Variants in REV3L observed in about 807,000 individuals in gnomAD.
The protein encoded by REV3L is REV3 like, DNA directed polymerase zeta catalytic subunit, also known as DNA polymerase zeta catalytic subunit.
REV3L carries 69 observed loss-of-function variants against 299.4 expected under a neutral mutation model. The ratio of observed to expected loss-of-function variants is 0.23; its 90% CI spans 0.19 to 0.28. The LOEUF (loss-of-function observed/expected upper bound fraction) is 0.28. Ranked by LOEUF, REV3L falls within the 10% of genes least tolerant of loss-of-function variation. The pLI is 1.00. For synonymous variants in REV3L, 1,238 were observed against 1,271.4 expected, an observed-to-expected ratio of 0.97 and a Z score of 0.56; for missense variants, 3,128 against 3,693.8, an observed-to-expected ratio of 0.85 and a Z score of 3.97.
intron 1 of REV3L, among the ~76,000 whole-genome samples, chr6:111,423,581 C>T (rs184608919): frequency 1.3e-4 from 20 of 152,052 alleles, no homozygotes; most frequent in South Asian, 2.1e-4. Flanking sequence ...TGTGTGTGTG[C>T]GCACATGCAT....
chr6:111,412,472 G>A (rs561969923), intron 2 of REV3L, among the ~76,000 whole-genome samples: 1 of 151,996 alleles, frequency 6.6e-6, no homozygotes, highest in Non-Finnish European at 1.5e-5. Flanking sequence ...TACATAAACA[G>A]GCGTAAATTT....
At chr6:111,385,328 T>C (rs898022047) in intron 9 of REV3L, among the ~76,000 whole-genome samples, 24 of 152,112 alleles carry the variant, frequency 1.6e-4, no homozygotes, top group African/African-American at 5.1e-4. Context: ...GGTTATTACA[T>C]TGTATGCCTG....
At chr6:111,328,461 A>G (rs1582535554) in intron 25 of REV3L, among the ~76,000 whole-genome samples, 1 of 152,338 alleles carries the variant, frequency 6.6e-6, no homozygotes, top group Middle Eastern at 3.4e-3. Flanking sequence ...AATACATAAA[A>G]TGAATTATGC....
intron 1 of REV3L, among the ~76,000 whole-genome samples, chr6:111,477,041 CTT>C (rs1011279960): frequency 8.5e-5 from 13 of 152,104 alleles, no homozygotes; most frequent in African/African-American, 3.1e-4. Context: ...TTTTTCCACA[CTT>C]TTAATAAGTG....
In REV3L at chr6:111,303,165, C is replaced by CTTTCTT. The variant is rs4038141; in HGVS notation, c.9253-3010_9253-3009insAAGAAA. On this transcript the variant is annotated intron_variant, in intron 31 of 31. Coordinates refer to ENST00000368802, the MANE Select transcript of REV3L (RefSeq NM_001372078.1). ...AATGTACTGAGGCTTTCTTTTCTTT[C>CTTTCTT]TTTTTTTTTTTTTTTTTGAGATGAG... Among the ~76,000 whole-genome samples the CTTTCTT allele has an allele frequency of 2.9e-3, 264 of 92,326 alleles. 31 individuals are homozygous for CTTTCTT. Among genetic ancestry groups the CTTTCTT allele is most frequent in the African/African-American group, 9.3e-3 (238 of 25,528 alleles). 60.6% of individuals were successfully genotyped at this position (92,326 alleles called of 152,430 possible). A position where few individuals can be genotyped will look rare whatever the true frequency, so the allele number is the denominator to read the frequency against.
At chr6:111,309,563 G>T in intron 30 of REV3L, 1 of 239,290 alleles carries the variant, frequency 4.2e-6, no homozygotes, top group Non-Finnish European at 8.0e-6. Flanking sequence ...GTTTTTATAG[G>T]CCCAGGATTG....
intron 2 of REV3L, among the ~76,000 whole-genome samples, chr6:111,412,535 G>A (rs576792772): frequency 6.6e-6 from 1 of 151,908 alleles, no homozygotes; most frequent in Non-Finnish European, 1.5e-5. Context: ...GTTAATACAC[G>A]GTTAAATCTT....
At chr6:111,431,213 T>C (rs1786884097) in intron 1 of REV3L, 1 of 1,565,156 alleles carries the variant, frequency 6.4e-7, no homozygotes, top group African/African-American at 1.4e-5. Flanking sequence ...GATAGTTTAC[T>C]GGATGTTTTA....
At chr6:111,380,259 CTTTTTT>C (rs36039889) in intron 10 of REV3L, 40 bp from the exon 11 acceptor site, 1 of 895,916 alleles carries the variant, frequency 1.1e-6, no homozygotes, top group African/African-American at 1.8e-5. Flanking sequence ...AATAAGTTTT[CTTTTTT>C]TTTTTTGACA....
intron 6 of REV3L, among the ~76,000 whole-genome samples, chr6:111,389,704 T>C (rs1781704338): frequency 6.6e-6 from 1 of 151,702 alleles, no homozygotes; most frequent in Non-Finnish European, 1.5e-5. Flanking sequence ...TTTCCTACTT[T>C]TTCTATTCCA....
intron 28 of REV3L, chr6:111,312,673 TCA>T (rs1773108370): frequency 6.6e-6 from 1 of 152,328 alleles, no homozygotes; most frequent in African/African-American, 2.4e-5. Context: ...TTCTCACACC[TCA>T]GTCTCCCGAG....
At chr6:111,365,379 CA>C in intron 14 of REV3L, 35 bp from the exon 15 acceptor site, 1 of 1,222,436 alleles carries the variant, frequency 8.2e-7, no homozygotes, top group African/African-American at 1.5e-5. Flanking sequence ...ACATGTATAT[CA>C]AAATTACCTG....
intron 1 of REV3L, chr6:111,460,246 A>G (rs1790600228): frequency 6.6e-6 from 1 of 152,056 alleles, no homozygotes; most frequent in Admixed American, 6.6e-5. Flanking sequence ...GATGGGAACA[A>G]ACAGACACTG....
In REV3L at chr6:111,363,807, A is replaced by T. The variant is rs1426171114; in HGVS notation, c.6879+46T>A. On this transcript the variant is annotated intron_variant, in intron 16 of 31. Coordinates refer to ENST00000368802, the MANE Select transcript of REV3L (RefSeq NM_001372078.1). Reference sequence around the variant, plus strand: ...TACTTGTTTTATAGAATAAAACAGGAGTTAAACTGAACACAATGTATGTGT... The same window carrying T: ...TACTTGTTTTATAGAATAAAACAGGTGTTAAACTGAACACAATGTATGTGT... The T allele has an allele frequency of 1.9e-6, 3 of 1,586,758 alleles. No homozygotes were observed. In the African/African-American group the frequency reaches 4.1e-5, roughly 21 times the overall value.
intron 22 of REV3L, among the ~76,000 whole-genome samples, chr6:111,334,383 A>C (rs1466139225): frequency 2.0e-5 from 3 of 152,342 alleles, no homozygotes; most frequent in Middle Eastern, 3.4e-3. Flanking sequence ...CTGTCAGGAG[A>C]CTTAAGATAG....
At chr6:111,482,326 T>C (rs1793823265) in intron 1 of REV3L, among the ~76,000 whole-genome samples, 2 of 152,310 alleles carry the variant, frequency 1.3e-5, no homozygotes, top group South Asian at 2.1e-4. Flanking sequence ...AAAGCGGCAC[T>C]TGGGGGACAC....
chr6:111,439,286 G>C (rs1413682140), intron 1 of REV3L, among the ~76,000 whole-genome samples: 1 of 152,140 alleles, frequency 6.6e-6, no homozygotes, highest in Non-Finnish European at 1.5e-5. Flanking sequence ...AAATAGCAGA[G>C]ACAACTCACA....
chr6:111,416,553 T>G, intron 1 of REV3L, 81 bp from the exon 2 acceptor site: 1 of 1,157,870 alleles, frequency 8.6e-7, no homozygotes, highest in Non-Finnish European at 1.2e-6. Flanking sequence ...CATTTAAATG[T>G]TCTAATGGCA....
At chr6:111,441,159 C>T (rs145299358) in intron 1 of REV3L, among the ~76,000 whole-genome samples, 4 of 152,266 alleles carry the variant, frequency 2.6e-5, no homozygotes, top group African/African-American at 4.8e-5. Flanking sequence ...TTCTTCATTT[C>T]TGTTATAGAT....
Sources: gnomAD v4.1 joint callset for allele counts (sites outside exome capture counted in the v4.1 genomes callset) on GRCh38, gnomAD v4.1.1 for gene constraint, MANE v1.5 for transcripts, NCBI Gene and HGNC (gene_info 2026-07-23, HGNC 2026-07-21) for gene names.